Variants in DSCAM observed in about 807,000 individuals in gnomAD.
The protein encoded by DSCAM is DS cell adhesion molecule.
Under a neutral mutation model 217.7 loss-of-function variants are expected in DSCAM, and 47 were observed. That is an observed-to-expected ratio of 0.22 (90% CI 0.17 to 0.28). The LOEUF is 0.28. DSCAM is among the 10% of genes least tolerant of loss of function. The pLI is 1.00. For missense variants in DSCAM, 2,080 were observed against 2,618.3 expected, an observed-to-expected ratio of 0.79 and a Z score of 4.49; for synonymous variants, 1,056 against 1,015.3, an observed-to-expected ratio of 1.04 and a Z score of -0.76.
chr21:40,128,632 T>G (rs1328811049), intron 19 of DSCAM, among the ~76,000 whole-genome samples: 1 of 149,810 alleles, frequency 6.7e-6, no homozygotes, highest in Non-Finnish European at 1.5e-5. Flanking sequence ...GCTACCATGC[T>G]GTAGGGGGTG....
At chr21:40,697,826 T>C (rs963954433) in intron 2 of DSCAM, among the ~76,000 whole-genome samples, 3 of 152,240 alleles carry the variant, frequency 2.0e-5, no homozygotes, top group Admixed American at 6.5e-5. Flanking sequence ...TCGGAGTCTT[T>C]TGTGGTTTCA....
chr21:40,794,449 C>T (rs2091673123), intron 1 of DSCAM, among the ~76,000 whole-genome samples: 1 of 150,702 alleles, frequency 6.6e-6, no homozygotes, highest in African/African-American at 2.4e-5. Flanking sequence ...GTTTAAATCA[C>T]AGTTAAACTT....
At chr21:40,345,461 A>G (rs2074547629) in intron 6 of DSCAM, among the ~76,000 whole-genome samples, 1 of 152,156 alleles carries the variant, frequency 6.6e-6, no homozygotes. Flanking sequence ...CTTGGGAGTT[A>G]GGCTGATATA....
At chr21:40,490,599 G>C (rs552532697) in intron 3 of DSCAM, among the ~76,000 whole-genome samples, 2 of 152,286 alleles carry the variant, frequency 1.3e-5, no homozygotes, top group African/African-American at 2.4e-5. Flanking sequence ...AGAGAGGTCT[G>C]GCTGGAGTAC....
intron 3 of DSCAM, among the ~76,000 whole-genome samples, chr21:40,433,175 G>A (rs1484129515): frequency 7.9e-5 from 12 of 151,734 alleles, no homozygotes; most frequent in African/African-American, 1.7e-4. Flanking sequence ...TGGCCAACAC[G>A]GTGAAACCCT....
intron 3 of DSCAM, among the ~76,000 whole-genome samples, chr21:40,436,737 C>G (rs531527305): frequency 6.6e-6 from 1 of 152,138 alleles, no homozygotes; most frequent in African/African-American, 2.4e-5. Context: ...AATTTCAAGA[C>G]GAAAACAGCA....
intron 16 of DSCAM, among the ~76,000 whole-genome samples, chr21:40,153,599 T>C (rs2090446897): frequency 1.3e-5 from 2 of 152,142 alleles, no homozygotes; most frequent in African/African-American, 4.8e-5. Flanking sequence ...GGACAGAACC[T>C]ATGGAGCCTG....
chr21:40,113,435 G>C (rs62237603), intron 20 of DSCAM, among the ~76,000 whole-genome samples: 18,529 of 152,130 alleles, frequency 0.12, 1,235 homozygotes, highest in Non-Finnish European at 0.16. Flanking sequence ...AACTATCTAT[G>C]ACAAACCCAC....
chr21:40,782,966 T>C (rs567937222), intron 1 of DSCAM, among the ~76,000 whole-genome samples: 2 of 152,304 alleles, frequency 1.3e-5, no homozygotes, highest in African/African-American at 2.4e-5. Context: ...TCTACCTTCA[T>C]GAAACATAGG....
At chr21:40,131,576 C>G (rs2090154971) in intron 19 of DSCAM, among the ~76,000 whole-genome samples, 1 of 152,174 alleles carries the variant, frequency 6.6e-6, no homozygotes, top group East Asian at 1.9e-4. Flanking sequence ...GAGGTGCCCA[C>G]CACCACACCT....
At chr21:40,775,031 G>C (rs1490975916) in intron 1 of DSCAM, among the ~76,000 whole-genome samples, 1 of 151,514 alleles carries the variant, frequency 6.6e-6, no homozygotes, top group East Asian at 1.9e-4. Context: ...AACCCAATCT[G>C]ACCCCTTGTT....
intron 8 of DSCAM, among the ~76,000 whole-genome samples, chr21:40,317,525 C>A (rs1040148785): frequency 6.7e-6 from 1 of 150,284 alleles, no homozygotes. Context: ...CTTTTTTTTT[C>A]TTTTCTTTCT....
rs949431476 is a variant in DSCAM, at chr21:40,787,507, G to A, written c.43+59112C>T. Reference sequence around the variant, plus strand: ...TGCACGTCCCTCATAATGTCAAAACGATTGGGTTATCTTGCATTGTTTACA... The same window carrying A: ...TGCACGTCCCTCATAATGTCAAAACAATTGGGTTATCTTGCATTGTTTACA... On this transcript the variant is annotated intron_variant, in intron 1 of 32. Transcript: ENST00000400454. Among the ~76,000 whole-genome samples the A allele has an allele frequency of 6.6e-5, 10 of 152,182 alleles. No homozygotes were observed. The South Asian group carries it at 1.5e-3, about 22-fold the overall frequency.
In DSCAM at chr21:40,075,082, C is replaced by A; in HGVS notation, c.4843G>T (p.Val1615Phe). The A allele has an allele frequency of 3.7e-6, 6 of 1,614,218 alleles. No individual in the cohort carries two copies. Among genetic ancestry groups the A allele is most frequent in the Non-Finnish European group, 5.1e-6 (6 of 1,180,044 alleles). ...GVLLLFVLLL[V>F]VRRRRREQRL... ...TGCTCCCGCCGCCTCCTCCGCACAACCAGCAGGAGCACAAACAGCAGCAAG... is the reference window on the plus strand; with the variant it reads ...TGCTCCCGCCGCCTCCTCCGCACAAACAGCAGGAGCACAAACAGCAGCAAG... The change falls in exon 27 of 33, where the codon GTT becomes TTT. Residue 1615 changes from valine to phenylalanine, a missense_variant. By Grantham distance (50) the Val-to-Phe change is conservative. This residue lies in a region of DSCAM where 1,144 missense variants were observed against 1,421.1 expected (regional missense o/e 0.81). Coordinates refer to ENST00000400454, the MANE Select transcript of DSCAM (RefSeq NM_001389.5).
rs147583852 is a variant in DSCAM, at chr21:40,420,168, C to T, written c.509-50923G>A. On this transcript the variant is annotated intron_variant, in intron 3 of 32. Coordinates refer to ENST00000400454, the MANE Select transcript of DSCAM (RefSeq NM_001389.5). Reference sequence around the variant, plus strand: ...ATTGAATAATTTGATGAGATAATCACAATGTAACACTGGTAAAATAAGCCC... The same window carrying T: ...ATTGAATAATTTGATGAGATAATCATAATGTAACACTGGTAAAATAAGCCC... 2.4e-4 allele frequency among the ~76,000 whole-genome samples: 36 copies of T among 152,146 alleles called. No individual in the cohort carries two copies. In the East Asian group the frequency reaches 4.6e-3, roughly 20 times the overall value.
At chr21:40,230,539 G>C (rs1051099830) in intron 11 of DSCAM, among the ~76,000 whole-genome samples, 4 of 151,980 alleles carry the variant, frequency 2.6e-5, no homozygotes, top group African/African-American at 9.7e-5. Context: ...TGTAGACTTA[G>C]GTTTTTGATC....
At chr21:40,078,626 A>C in intron 26 of DSCAM, 61 bp downstream of exon 26, 31 of 1,556,422 alleles carry the variant, frequency 2.0e-5, no homozygotes, top group African/African-American at 8.1e-5. Context: ...GGAAAGGGGC[A>C]GGGCCCACGT....
intron 3 of DSCAM, among the ~76,000 whole-genome samples, chr21:40,506,409 G>A (rs2076210859): frequency 1.3e-5 from 2 of 152,170 alleles, no homozygotes; most frequent in African/African-American, 4.8e-5. Flanking sequence ...CTGACTTCAC[G>A]GAGGAAAAGT....
intron 20 of DSCAM, among the ~76,000 whole-genome samples, chr21:40,106,625 C>T (rs898685920): frequency 2.0e-5 from 3 of 152,088 alleles, no homozygotes; most frequent in African/African-American, 4.8e-5. Context: ...TGGTAGGCTA[C>T]TTATTCCTGC....
Sources: gnomAD v4.1 joint callset for allele counts (sites outside exome capture counted in the v4.1 genomes callset) on GRCh38, gnomAD v4.1.1 for gene constraint, gnomAD v4.1.1 regional missense constraint, MANE v1.5 for transcripts, NCBI Gene and HGNC (gene_info 2026-07-23, HGNC 2026-07-21) for gene names.